The following FGD4 variants were observed in gnomAD, a reference collection of about 807,000 sequenced individuals.
The protein encoded by FGD4 is FYVE, RhoGEF and PH domain-containing protein 4.
A neutral mutation model predicts 102.0 loss-of-function variants in FGD4; 42 were observed. The observed-to-expected ratio is 0.41, with a 90% confidence interval of 0.32 to 0.53. The LOEUF is 0.53. Ranked by LOEUF, FGD4 falls within the 20% of genes least tolerant of loss-of-function variation. FGD4 has a pLI of 0.21. For synonymous variants in FGD4, 380 were observed against 375.7 expected, an observed-to-expected ratio of 1.01 and a Z score of -0.13; for missense variants, 902 against 1,078.2, an observed-to-expected ratio of 0.84 and a Z score of 2.29.
At chr12:32,542,276 T>C (rs1942904795) in intron 1 of FGD4, among the ~76,000 whole-genome samples, 1 of 152,224 alleles carries the variant, frequency 6.6e-6, no homozygotes, top group South Asian at 2.1e-4. Flanking sequence ...GCTGGGATGT[T>C]TTAGCTGCTA....
rs550128709 is a variant in FGD4 at position 32,525,683 on chromosome 12, G to A, written c.167-38454G>A. Among the ~76,000 whole-genome samples the A allele has an allele frequency of 5.9e-5, 9 of 152,366 alleles. No homozygotes were observed. The East Asian group carries it at 1.4e-3, about 23-fold the overall frequency. On this transcript the variant is annotated intron_variant, in intron 1 of 16. Transcript: ENST00000534526. ...CAGGGAGGTGTGGAGGGAGAGGCAC[G>A]AGCGGGAACCGGGGCTGCGTGTGGC... is the stretch of plus-strand genomic sequence containing the variant.
intron 1 of FGD4, among the ~76,000 whole-genome samples, chr12:32,562,051 T>C (rs1944641712): frequency 6.6e-6 from 1 of 152,188 alleles, no homozygotes; most frequent in Non-Finnish European, 1.5e-5. Flanking sequence ...AATCGAGCCA[T>C]TCTTCTAGAG....
At chr12:32,438,319 C>G (rs1267858979) in intron 1 of FGD4, among the ~76,000 whole-genome samples, 2 of 152,204 alleles carry the variant, frequency 1.3e-5, no homozygotes, top group African/African-American at 2.4e-5. Flanking sequence ...CTTGGGATAA[C>G]AGTTAACTCC....
At chr12:32,513,768 A>T (rs1332017800) in intron 1 of FGD4, among the ~76,000 whole-genome samples, 1 of 152,226 alleles carries the variant, frequency 6.6e-6, no homozygotes, top group Non-Finnish European at 1.5e-5. Flanking sequence ...TAGATGATGC[A>T]TCATTGGCTA....
At chr12:32,444,133 T>C (rs1426385227) in intron 1 of FGD4, among the ~76,000 whole-genome samples, 1 of 149,626 alleles carries the variant, frequency 6.7e-6, no homozygotes, top group Non-Finnish European at 1.5e-5. Context: ...CACGCAATGC[T>C]CCACCTCAGC....
intron 7 of FGD4, among the ~76,000 whole-genome samples, chr12:32,605,807 G>A (rs1948739397): frequency 6.6e-6 from 1 of 152,284 alleles, no homozygotes. Context: ...CTCTGTATGT[G>A]TTCATTTGCC....
intron 1 of FGD4, among the ~76,000 whole-genome samples, chr12:32,469,576 C>T (rs980948638): frequency 3.4e-5 from 5 of 148,532 alleles, no homozygotes; most frequent in African/African-American, 7.5e-5. Context: ...CCACCACGTC[C>T]GGCCATTTGC....
At chr12:32,584,355 T>G (rs965977455) in intron 4 of FGD4, among the ~76,000 whole-genome samples, 1 of 152,208 alleles carries the variant, frequency 6.6e-6, no homozygotes, top group Non-Finnish European at 1.5e-5. Context: ...ATCTCAGTAG[T>G]GTTAAGATGG....
chr12:32,482,608 A>C (rs1410318314), intron 1 of FGD4, among the ~76,000 whole-genome samples: 2 of 152,234 alleles, frequency 1.3e-5, no homozygotes, highest in African/African-American at 4.8e-5. Flanking sequence ...ATATAAAATG[A>C]TTTGCTTACA....
chr12:32,410,071 A>G (rs1220133386), intron 1 of FGD4, among the ~76,000 whole-genome samples: 6 of 151,504 alleles, frequency 4.0e-5, no homozygotes, highest in Admixed American at 4.0e-4. Flanking sequence ...GCTCACGCCT[A>G]TAATCCCAGC....
At chr12:32,453,200 T>TATATA (rs1555183324) in intron 1 of FGD4, among the ~76,000 whole-genome samples, 3 of 64,586 alleles carry the variant, frequency 4.6e-5, no homozygotes, top group African/African-American at 1.5e-4. Flanking sequence ...TATATATATA[T>TATATA]TATATATATA....
At chr12:32,559,928 T>C (rs1180855433) in intron 1 of FGD4, among the ~76,000 whole-genome samples, 1 of 152,238 alleles carries the variant, frequency 6.6e-6, no homozygotes, top group Non-Finnish European at 1.5e-5. Flanking sequence ...TATAAATTGA[T>C]GATGTCTCAG....
chr12:32,509,571 T>C (rs1008609738), intron 1 of FGD4, among the ~76,000 whole-genome samples: 1 of 152,236 alleles, frequency 6.6e-6, no homozygotes, highest in Non-Finnish European at 1.5e-5. Context: ...CCTTGTATAC[T>C]TCAGATGACA....
intron 16 of FGD4, among the ~76,000 whole-genome samples, 183 bp from the exon 17 acceptor site, chr12:32,640,093 A>G (rs889017868): frequency 6.6e-6 from 1 of 152,132 alleles, no homozygotes; most frequent in Non-Finnish European, 1.5e-5. Context: ...TTCAGCTAAC[A>G]TTATCAGTGG....
chr12:32,510,583 G>A (rs775578509), intron 1 of FGD4, among the ~76,000 whole-genome samples: 4 of 152,048 alleles, frequency 2.6e-5, no homozygotes, highest in Non-Finnish European at 4.4e-5. Context: ...TAATCTAGTA[G>A]GGACGATAAA....
Position 32,644,937 on chromosome 12 carries a change from T to G in FGD4, c.*4404T>G, listed in dbSNP as rs367695813. The G allele has an allele frequency of 6.6e-6, 1 of 151,968 alleles. No individual in the cohort carries two copies. Among genetic ancestry groups the G allele is most frequent in the Non-Finnish European group, 1.5e-5 (1 of 67,972 alleles). The allele number at this position is 151,968 out of a possible 1,614,324, so 9.4% of individuals were successfully genotyped here. ...AATCATGGTCTTCTACTTTCTGGAC[T>G]GAGCATTTGGCAGAATGCAGTATCT... is the stretch of plus-strand genomic sequence containing the variant. On this transcript the variant is annotated 3_prime_UTR_variant, in exon 17 of 17. Coordinates refer to ENST00000534526, the MANE Select transcript of FGD4 (RefSeq NM_001370298.3).
intron 1 of FGD4, among the ~76,000 whole-genome samples, chr12:32,507,470 C>T (rs1165309452): frequency 1.3e-5 from 2 of 152,110 alleles, no homozygotes; most frequent in Non-Finnish European, 2.9e-5. Flanking sequence ...TGCTGTTATC[C>T]TCAATTTATG....
intron 1 of FGD4, among the ~76,000 whole-genome samples, chr12:32,494,264 G>T (rs535470882): frequency 6.6e-6 from 1 of 152,148 alleles, no homozygotes; most frequent in Non-Finnish European, 1.5e-5. Flanking sequence ...TGTTGTCCAG[G>T]CTAGTCTTGA....
chr12:32,529,458 T>G (rs1941581197), intron 1 of FGD4, among the ~76,000 whole-genome samples: 1 of 152,150 alleles, frequency 6.6e-6, no homozygotes, highest in South Asian at 2.1e-4. Context: ...CCATTTTCTA[T>G]CTGATCTGTT....
Sources: gnomAD v4.1 joint callset for allele counts (sites outside exome capture counted in the v4.1 genomes callset) on GRCh38, gnomAD v4.1.1 for gene constraint, MANE v1.5 for transcripts, NCBI Gene and HGNC (gene_info 2026-07-23, HGNC 2026-07-21) for gene names.